Variants in POLR3G observed in about 807,000 individuals in gnomAD.
POLR3G encodes the protein DNA-directed RNA polymerase III subunit RPC7.
POLR3G carries 28 observed loss-of-function variants against 30.1 expected under a neutral mutation model. The observed-to-expected ratio is 0.93, with a 90% CI of 0.69 to 1.27. The LOEUF (loss-of-function observed/expected upper bound fraction) is 1.27, where lower values mean the gene tolerates loss of function less well. Among genes scored for constraint, POLR3G ranks in the 50% most tolerant of loss-of-function variants. The pLI is 0.00. For missense variants in POLR3G, 254 were observed against 264.6 expected (o/e 0.96, Z 0.28); for synonymous variants, 79 against 82.5 (o/e 0.96, Z 0.23).
chr5:90,495,274 A>C (rs950400196), intron 3 of POLR3G, among the ~76,000 whole-genome samples: 3 of 152,182 alleles, frequency 2.0e-5, no homozygotes, highest in Non-Finnish European at 4.4e-5. Context: ...ACATGGCTTC[A>C]AGCTTTTGTG....
At chr5:90,481,922 G>A (rs1362554958) in intron 1 of POLR3G, among the ~76,000 whole-genome samples, 1 of 152,120 alleles carries the variant, frequency 6.6e-6, no homozygotes, top group African/African-American at 2.4e-5. Flanking sequence ...AAGCATGGGA[G>A]TAGAAAAGTA....
rs189076575 is a variant in POLR3G at position 90,490,699 on chromosome 5, G to A, written c.247+2570G>A. 7.4e-3 allele frequency: 2,660 copies of A among 358,590 alleles called. 95 individuals are homozygous for A. Among genetic ancestry groups the A allele is most frequent in the South Asian group, 0.051 (2,478 of 48,250 alleles). 22.2% of individuals were successfully genotyped at this position (358,590 alleles called of 1,614,324 possible). ...GCTGAAATTACAGGCATGAGCCACC[G>A]CACCCAGCTTACCTCTGTTTCCTGA... On this transcript the variant is annotated intron_variant, in intron 3 of 7. Transcript: ENST00000651687.
chr5:90,486,764 T>G (rs1247503903), intron 2 of POLR3G, among the ~76,000 whole-genome samples: 3 of 152,240 alleles, frequency 2.0e-5, no homozygotes, highest in African/African-American at 7.2e-5. Flanking sequence ...TTTATGTCAT[T>G]TGTCACTATG....
intron 3 of POLR3G, among the ~76,000 whole-genome samples, chr5:90,493,632 C>A (rs1394900829): frequency 4.5e-5 from 6 of 131,994 alleles, no homozygotes; most frequent in Non-Finnish European, 9.4e-5. Flanking sequence ...AATTCAGTGA[C>A]TTTTAATATA....
intron 5 of POLR3G, among the ~76,000 whole-genome samples, chr5:90,500,390 A>G (rs1368733399): frequency 1.3e-5 from 2 of 152,096 alleles, no homozygotes; most frequent in Non-Finnish European, 2.9e-5. Flanking sequence ...TTACCTGGCC[A>G]TATTCTCTAG....
chr5:90,479,301 C>T (rs985829893), intron 1 of POLR3G, among the ~76,000 whole-genome samples: 16 of 152,106 alleles, frequency 1.1e-4, no homozygotes, highest in Admixed American at 7.9e-4. Context: ...GTGAAACCCC[C>T]ATCTTTACTA....
Position 90,513,768 on chromosome 5 carries a change from C to CA in POLR3G, c.*1635dup, listed in dbSNP as rs918778513. ...TTACTTCTTGTTTAAAGGAAGTTGT[C>CA]AAAAAATTTTAAGATTCTAAATGGA... is the stretch of plus-strand genomic sequence containing the variant. On this transcript the variant is annotated 3_prime_UTR_variant, in exon 8 of 8. Coordinates refer to ENST00000651687, the MANE Select transcript of POLR3G (RefSeq NM_006467.3). 1 of 152,008 alleles carries CA rather than the reference C, an allele frequency of 6.6e-6. No individual in the cohort carries two copies. The highest frequency in any genetic ancestry group is 2.4e-5 in the African/African-American group (1 of 41,394). 9.4% of individuals were successfully genotyped at this position (152,008 alleles called of 1,614,324 possible).
intron 1 of POLR3G, among the ~76,000 whole-genome samples, chr5:90,481,419 A>T (rs1294192644): frequency 6.6e-6 from 1 of 152,206 alleles, no homozygotes; most frequent in Non-Finnish European, 1.5e-5. Context: ...ATGTTAAATC[A>T]CATCTCAGGT....
At position 90,474,903 on chromosome 5, in the gene POLR3G, T is replaced by A. The variant is rs1750709802; in HGVS notation, c.-161T>A. On this transcript the variant is annotated 5_prime_UTR_variant, in exon 1 of 8. Transcript: ENST00000651687. ...GTGCCGCGTGCAGGTCGGTGCGCGC[T>A]TCTCCCGAGGTGGAACGGGCGGCAG... The A allele has an allele frequency of 1.3e-5, 2 of 152,500 alleles. No homozygotes were observed. The allele number at this position is 152,500 out of a possible 1,614,324, so 9.4% of individuals were successfully genotyped here.
At chr5:90,478,501 G>A (rs1033792677) in intron 1 of POLR3G, among the ~76,000 whole-genome samples, 24 of 150,606 alleles carry the variant, frequency 1.6e-4, no homozygotes, top group Non-Finnish European at 5.9e-5. Context: ...GCGTCTTTAG[G>A]TAATCAAGTA....
rs1221145933 is a variant in POLR3G, at chr5:90,514,461, A to G, written c.*2322A>G. On this transcript the variant is annotated 3_prime_UTR_variant, in exon 8 of 8. Transcript: ENST00000651687. ...TTATTTAAATGTTTATTTGTTAGAG[A>G]AAACTAATTTGTTAATATAGATCTT... 2.0e-5 allele frequency: 3 copies of G among 152,176 alleles called. No homozygotes were observed. The highest frequency in any genetic ancestry group is 2.1e-4 in the South Asian group (1 of 4,834). The allele number at this position is 152,176 out of a possible 1,614,324, so 9.4% of individuals were successfully genotyped here.
In POLR3G at chr5:90,513,012, G is replaced by A. The variant is rs1752807818; in HGVS notation, c.*873G>A. ...CTTTTATGTTTCAGAGTACTCAAGT[G>A]TACAATTGATTTATATAAAAATGCA... On this transcript the variant is annotated 3_prime_UTR_variant, in exon 8 of 8. Transcript: ENST00000651687. 2.0e-5 allele frequency: 3 copies of A among 152,034 alleles called. No homozygotes were observed. The South Asian group carries it at 6.2e-4, about 32-fold the overall frequency. 9.4% of individuals were successfully genotyped at this position (152,034 alleles called of 1,614,324 possible). A position where few individuals can be genotyped will look rare whatever the true frequency, so the allele number is the denominator to read the frequency against.
intron 3 of POLR3G, among the ~76,000 whole-genome samples, chr5:90,493,676 A>ATTTTTTTTTTTTT (rs70999488): frequency 1.9e-5 from 1 of 51,466 alleles, no homozygotes; most frequent in Non-Finnish European, 3.9e-5. Flanking sequence ...CCACTATTTA[A>ATTTTTTTTTTTTT]TTTTTTTTTT....
intron 1 of POLR3G, among the ~76,000 whole-genome samples, chr5:90,484,304 G>T (rs1419824660): frequency 6.6e-6 from 1 of 152,146 alleles, no homozygotes; most frequent in Admixed American, 6.5e-5. Flanking sequence ...AGCACTCTTT[G>T]AGAACCATTG....
chr5:90,475,148 G>T (rs1750729969), intron 1 of POLR3G, 128 bp downstream of exon 1: 1 of 152,316 alleles, frequency 6.6e-6, no homozygotes, highest in African/African-American at 2.4e-5. Context: ...TTTGAGGGGC[G>T]TTTGGAGATA....
At chr5:90,478,569 C>CT (rs773881344) in intron 1 of POLR3G, among the ~76,000 whole-genome samples, 1,055 of 79,336 alleles carry the variant, frequency 0.013, 117 homozygotes, top group South Asian at 0.022. Context: ...CTGCGTGGTT[C>CT]TTTTTTTTTT....
chr5:90,506,773 A>G (rs903259069), intron 7 of POLR3G, 99 bp downstream of exon 7: 3 of 1,389,020 alleles, frequency 2.2e-6, no homozygotes, highest in African/African-American at 1.5e-5. Context: ...AGAAACCAAG[A>G]TGATGGGAAC....
At chr5:90,495,240 C>G (rs147964783) in intron 3 of POLR3G, among the ~76,000 whole-genome samples, 11 of 152,224 alleles carry the variant, frequency 7.2e-5, no homozygotes, top group African/African-American at 2.6e-4. Context: ...TCATGCCTAA[C>G]TCCTGAACTA....
At chr5:90,501,802 C>T (rs1165660777) in intron 5 of POLR3G, 104 bp from the exon 6 acceptor site, 2 of 1,267,986 alleles carry the variant, frequency 1.6e-6, no homozygotes, top group East Asian at 2.6e-5. Context: ...ATGTGACTGC[C>T]TAGGATGCAG....
Sources: allele counts gnomAD v4.1 joint callset (sites outside exome capture counted in the v4.1 genomes callset), GRCh38; gene constraint gnomAD v4.1.1; transcripts MANE v1.5; gene names NCBI Gene and HGNC (gene_info 2026-07-23, HGNC 2026-07-21).